The following TIAM2 variants were observed in gnomAD, a reference collection of about 807,000 sequenced individuals.
TIAM2 encodes the protein TIAM Rac1 associated GEF 2.
Under a neutral mutation model 152.9 loss-of-function variants are expected in TIAM2, and 80 were observed. The observed-to-expected ratio is 0.52, with a 90% CI of 0.44 to 0.63. TIAM2 has a LOEUF of 0.63. Ranked by LOEUF, TIAM2 falls within the 30% of genes least tolerant of loss-of-function variation. The probability of loss-of-function intolerance (pLI) is 0.00; values close to 1 mark genes in which losing one functional copy is unlikely to be tolerated. For synonymous variants in TIAM2, 804 were observed against 838.0 expected, an observed-to-expected ratio of 0.96 and a Z score of 0.70; for missense variants, 1,965 against 2,120.1, an observed-to-expected ratio of 0.93 and a Z score of 1.44.
In TIAM2 at chr6:155,156,500, C is replaced by CA. The variant is rs1780118382; in HGVS notation, c.2029-7910dup. On this transcript the variant is annotated intron_variant, in intron 7 of 26. Coordinates refer to ENST00000682666, the MANE Select transcript of TIAM2 (RefSeq NM_012454.4). The surrounding 1 kb of genome is among the most constrained non-coding windows in gnomAD (Gnocchi z 4.4). ...TGAAACCCCGTCTCTACTAAAAATA[C>CA]AAAAATAATTAGCCAGGTGTCGTGG... Among the ~76,000 whole-genome samples the CA allele has an allele frequency of 6.6e-6, 1 of 151,904 alleles. No individual in the cohort carries two copies. Among genetic ancestry groups the CA allele is most frequent in the African/African-American group, 2.4e-5 (1 of 41,360 alleles).
At chr6:155,059,287 T>TGTGTGTGG (rs1312871941) in intron 1 of TIAM2, among the ~76,000 whole-genome samples, 1 of 64,056 alleles carries the variant, frequency 1.6e-5, no homozygotes, top group Non-Finnish European at 3.8e-5. Flanking sequence ...CCTTTCTGTG[T>TGTGTGTGG]GTGTGTCTGT....
intron 14 of TIAM2, among the ~76,000 whole-genome samples, chr6:155,194,633 G>A (rs751550758): frequency 1.6e-4 from 24 of 152,200 alleles, no homozygotes; most frequent in Non-Finnish European, 2.6e-4. Flanking sequence ...GGGCACATAA[G>A]TAGAGTCATT....
intron 12 of TIAM2, among the ~76,000 whole-genome samples, chr6:155,181,940 G>A (rs1168547445): frequency 6.6e-6 from 1 of 152,160 alleles, no homozygotes. Flanking sequence ...AGACAGTTGG[G>A]TTATTTCCAC....
rs752920803 is a variant in TIAM2 at position 155,129,737 on chromosome 6, T to A, written c.514T>A (p.Cys172Ser). Residue 172 changes from cysteine to serine, a missense_variant, in exon 4 of 27, where the codon TGT (cysteine) becomes AGT (serine). Cys to Ser is a moderately radical substitution (Grantham distance 112). Around this residue, in one of 3 missense-constraint regions of TIAM2, gnomAD observed 1,025 missense variants for 1,119.4 expected, o/e 0.92. Transcript: ENST00000682666. The surrounding 1 kb of genome is among the most constrained non-coding windows in gnomAD (Gnocchi z 4.8). ...CAAAACGCTGGGGAAGCTGGATGGG[T>A]GTTTAAGGGTCGAGTTCCACAATGG... ...LIKTLGKLDG[C>S]LRVEFHNGGN... The A allele has an allele frequency of 7.4e-6, 12 of 1,613,412 alleles. No individual in the cohort carries two copies. The highest frequency in any genetic ancestry group is 1.7e-5 in the Admixed American group (1 of 59,974).
chr6:155,182,461 T>A, intron 13 of TIAM2, 143 bp downstream of exon 13: 1 of 721,110 alleles, frequency 1.4e-6, no homozygotes, highest in Non-Finnish European at 2.3e-6. Context: ...AGAGTTTAAT[T>A]GGAAATGCGA....
At chr6:155,112,227 G>C (rs1778873555) in intron 2 of TIAM2, among the ~76,000 whole-genome samples, 1 of 150,434 alleles carries the variant, frequency 6.6e-6, no homozygotes, top group African/African-American at 2.4e-5. Context: ...CCAGGTTCAA[G>C]TGATTCTCCT....
rs181354339 is a variant in TIAM2, at chr6:155,000,649, C to T, written c.-209+5157C>T. Among the ~76,000 whole-genome samples, 14 of 151,962 alleles carry T rather than the reference C, an allele frequency of 9.2e-5. No individual in the cohort carries two copies. In the East Asian group the frequency reaches 2.7e-3, roughly 29 times the overall value. Reference sequence around the variant, plus strand: ...CATTAAGTGACACAAAAGCAAATTCCTTAAGTTTTAGGTGGAGGAGTGATA... The same window carrying T: ...CATTAAGTGACACAAAAGCAAATTCTTTAAGTTTTAGGTGGAGGAGTGATA... On this transcript the variant is annotated intron_variant, in intron 1 of 26. Transcript: ENST00000682666.
chr6:155,248,866 GGA>G (rs1783488015), intron 20 of TIAM2, among the ~76,000 whole-genome samples: 2 of 152,124 alleles, frequency 1.3e-5, no homozygotes, highest in Admixed American at 6.5e-5. Flanking sequence ...AAATTTATGG[GGA>G]GAGAGAGGCT....
At position 155,257,376 on chromosome 6, in the gene TIAM2, T is replaced by G. The variant is rs1583301042; in HGVS notation, c.*255T>G. 2 of 445,544 alleles carry G rather than the reference T, an allele frequency of 4.5e-6. No individual in the cohort carries two copies. The highest frequency in any genetic ancestry group is 4.2e-5 in the Admixed American group (1 of 24,086). 27.6% of individuals were successfully genotyped at this position (445,544 alleles called of 1,614,324 possible). ...TGAGCAGGTATCAAATGATTTAGGA[T>G]CCTTAAAATTACATTCTAATAATTA... On this transcript the variant is annotated 3_prime_UTR_variant, in exon 27 of 27. Transcript: ENST00000682666.
intron 7 of TIAM2, among the ~76,000 whole-genome samples, chr6:155,153,678 G>C (rs972352527): frequency 1.4e-5 from 2 of 142,426 alleles, no homozygotes; most frequent in Non-Finnish European, 3.0e-5. Context: ...CTGGAGGGTA[G>C]TGGCGCAATC....
At chr6:155,120,214 C>T (rs373358762) in intron 2 of TIAM2, among the ~76,000 whole-genome samples, 1 of 152,242 alleles carries the variant, frequency 6.6e-6, no homozygotes, top group East Asian at 1.9e-4. Flanking sequence ...GCTCGGAGGG[C>T]ATTCCTTGCC....
chr6:155,243,022 C>A (rs1246029086), intron 16 of TIAM2, among the ~76,000 whole-genome samples: 1 of 152,012 alleles, frequency 6.6e-6, no homozygotes, highest in Non-Finnish European at 1.5e-5. Flanking sequence ...GGATTACAGG[C>A]ATGAGACACC....
At chr6:155,025,867 CACACACACAGAAA>C (rs1776592005) in intron 1 of TIAM2, among the ~76,000 whole-genome samples, 1 of 121,416 alleles carries the variant, frequency 8.2e-6, no homozygotes, top group Admixed American at 8.0e-5. Flanking sequence ...CACACACACA[CACACACACAGAAA>C]AGAAAGAAGG....
chr6:155,148,391 C>G (rs1779867445), intron 7 of TIAM2, 57 bp downstream of exon 7: 2 of 1,484,764 alleles, frequency 1.3e-6, no homozygotes, highest in East Asian at 4.7e-5. Flanking sequence ...TGTGCAGTGA[C>G]TGAACGCATG....
chr6:155,109,381 A>T (rs1778779854), intron 2 of TIAM2, among the ~76,000 whole-genome samples: 1 of 152,254 alleles, frequency 6.6e-6, no homozygotes, highest in Admixed American at 6.5e-5. Context: ...TTTTGAAATT[A>T]AGTGTGCCTT....
intron 7 of TIAM2, 42 bp from the exon 8 acceptor site, chr6:155,164,373 A>G (rs755479226): frequency 3.9e-6 from 6 of 1,537,258 alleles, no homozygotes; most frequent in Non-Finnish European, 5.3e-6. Flanking sequence ...ACCTGTGAAA[A>G]CTTTTAATTT....
At chr6:155,138,435 TTTTTTTTTTAATATAC>T (rs540029570) in intron 5 of TIAM2, among the ~76,000 whole-genome samples, 2,211 of 152,188 alleles carry the variant, frequency 0.015, 47 homozygotes, top group African/African-American at 0.05. Context: ...AGCCGTCTTT[TTTTTTTTTTAATATAC>T]TTTAAGTTCT....
At chr6:155,057,046 T>TTTTTTTTGG (rs1777468116) in intron 1 of TIAM2, among the ~76,000 whole-genome samples, 1 of 125,648 alleles carries the variant, frequency 8.0e-6, no homozygotes, top group Admixed American at 8.1e-5. Flanking sequence ...TTTTTTTTTT[T>TTTTTTTTGG]GAGATAGGGT....
chr6:155,194,775 G>T (rs1781296849), intron 14 of TIAM2, among the ~76,000 whole-genome samples: 1 of 152,190 alleles, frequency 6.6e-6, no homozygotes, highest in Admixed American at 6.5e-5. Context: ...ATTTGGCTGT[G>T]TCCCCACCCA....
Sources: gnomAD v4.1 joint callset for allele counts (sites outside exome capture counted in the v4.1 genomes callset) on GRCh38, gnomAD v4.1.1 for gene constraint, gnomAD v4.1.1 regional missense constraint, Gnocchi (gnomAD v3.1) non-coding constraint, MANE v1.5 for transcripts, NCBI Gene and HGNC (gene_info 2026-07-23, HGNC 2026-07-21) for gene names.